The following CAMKMT variants were observed in gnomAD, a reference collection of about 807,000 sequenced individuals.
The protein encoded by CAMKMT is CaM KMT.
CAMKMT carries 53 observed loss-of-function variants against 48.0 expected under a neutral mutation model. The ratio of observed to expected loss-of-function variants is 1.10; its 90% CI spans 0.89 to 1.39. The LOEUF is 1.39. CAMKMT is among the 40% of genes most tolerant of loss of function. CAMKMT has a pLI of 0.00. For missense variants in CAMKMT, 428 were observed against 402.7 expected (o/e 1.06, Z -0.54); for synonymous variants, 165 against 152.3 (o/e 1.08, Z -0.61).
At chr2:44,484,483 G>C (rs1669117777) in intron 3 of CAMKMT, among the ~76,000 whole-genome samples, 1 of 151,692 alleles carries the variant, frequency 6.6e-6, no homozygotes, top group Non-Finnish European at 1.5e-5. Flanking sequence ...AAGATGGATG[G>C]TATTTTTAAT....
At chr2:44,557,789 A>T (rs960119091) in intron 3 of CAMKMT, among the ~76,000 whole-genome samples, 1 of 152,056 alleles carries the variant, frequency 6.6e-6, no homozygotes, top group Non-Finnish European at 1.5e-5. Context: ...TTTATTTTCT[A>T]CATTTTTCTA....
chr2:44,518,749 A>G (rs1416080674), intron 3 of CAMKMT, among the ~76,000 whole-genome samples: 2 of 152,190 alleles, frequency 1.3e-5, no homozygotes, highest in Non-Finnish European at 2.9e-5. Context: ...GATGATGTAT[A>G]TTTCTGATGG....
At chr2:44,755,375 C>A (rs1049252867) in intron 9 of CAMKMT, among the ~76,000 whole-genome samples, 7 of 152,142 alleles carry the variant, frequency 4.6e-5, no homozygotes, top group Non-Finnish European at 1.0e-4. Context: ...AGCATCCCCC[C>A]ACCCCTGTCG....
chr2:44,723,640 A>G (rs1573169253), intron 7 of CAMKMT: 2 of 149,258 alleles, frequency 1.3e-5, no homozygotes, highest in South Asian at 2.1e-4. Flanking sequence ...AAATAAATAA[A>G]TAAATAAATA....
intron 3 of CAMKMT, among the ~76,000 whole-genome samples, chr2:44,661,310 C>CTTTTTTTTTTT (rs764984677): frequency 1.1e-5 from 1 of 89,180 alleles, no homozygotes; most frequent in African/African-American, 5.0e-5. Context: ...TGTGAGCAGC[C>CTTTTTTTTTTT]TTTTTTTTTT....
intron 3 of CAMKMT, among the ~76,000 whole-genome samples, chr2:44,400,267 T>C (rs1322521123): frequency 6.6e-6 from 1 of 152,108 alleles, no homozygotes; most frequent in Non-Finnish European, 1.5e-5. Context: ...ATTTAGGTAA[T>C]ACAATAATTT....
At chr2:44,484,196 GT>G (rs535607687) in intron 3 of CAMKMT, among the ~76,000 whole-genome samples, 125 of 143,164 alleles carry the variant, frequency 8.7e-4, no homozygotes, top group East Asian at 1.6e-3. Context: ...GAGCCAATGG[GT>G]TTTTTTTTTT....
chr2:44,463,215 T>C (rs1667936634), intron 3 of CAMKMT, among the ~76,000 whole-genome samples: 1 of 152,222 alleles, frequency 6.6e-6, no homozygotes, highest in Admixed American at 6.5e-5. Context: ...CTTACAGTAA[T>C]GTCAGCAAGA....
At chr2:44,721,681 C>T (rs1678467288) in intron 7 of CAMKMT, among the ~76,000 whole-genome samples, 1 of 152,174 alleles carries the variant, frequency 6.6e-6, no homozygotes, top group Non-Finnish European at 1.5e-5. Context: ...AAAGAAAGCT[C>T]ATACTTGGCC....
intron 3 of CAMKMT, among the ~76,000 whole-genome samples, chr2:44,517,929 G>T (rs142200790): frequency 1.3e-5 from 2 of 152,108 alleles, no homozygotes; most frequent in Non-Finnish European, 2.9e-5. Context: ...TCAATACCCC[G>T]TCTCCATACA....
chr2:44,662,325 A>G (rs537361187), intron 3 of CAMKMT, among the ~76,000 whole-genome samples: 10 of 152,336 alleles, frequency 6.6e-5, no homozygotes, highest in African/African-American at 2.2e-4. Context: ...TTGAACGACT[A>G]TAAGAGGAGA....
At chr2:44,564,176 CTTTTT>C (rs10599009) in intron 3 of CAMKMT, among the ~76,000 whole-genome samples, 1 of 137,080 alleles carries the variant, frequency 7.3e-6, no homozygotes, top group Non-Finnish European at 1.6e-5. Context: ...TTGATCAGAA[CTTTTT>C]TTTTTTTTTT....
chr2:44,631,054 A>G (rs901450627), intron 3 of CAMKMT, among the ~76,000 whole-genome samples: 1 of 152,252 alleles, frequency 6.6e-6, no homozygotes, highest in Admixed American at 6.5e-5. Flanking sequence ...ACACCATGGA[A>G]TACTATGCAG....
intron 3 of CAMKMT, among the ~76,000 whole-genome samples, chr2:44,522,969 G>T (rs1004901507): frequency 1.3e-5 from 2 of 151,928 alleles, no homozygotes; most frequent in Non-Finnish European, 2.9e-5. Context: ...GTTACACAAG[G>T]ATCTTCTTTC....
At chr2:44,426,920 T>G (rs1408762934) in intron 3 of CAMKMT, among the ~76,000 whole-genome samples, 1 of 152,096 alleles carries the variant, frequency 6.6e-6, no homozygotes, top group Non-Finnish European at 1.5e-5. Context: ...AATTTTAAAC[T>G]AAACTACAGG....
At chr2:44,654,749 G>C (rs890343303) in intron 3 of CAMKMT, among the ~76,000 whole-genome samples, 4 of 152,112 alleles carry the variant, frequency 2.6e-5, no homozygotes, top group African/African-American at 9.7e-5. Flanking sequence ...TCCCGGCCTC[G>C]AGTGATCCAC....
At chr2:44,741,105 C>G (rs980183629) in intron 7 of CAMKMT, among the ~76,000 whole-genome samples, 1 of 152,210 alleles carries the variant, frequency 6.6e-6, no homozygotes, top group Non-Finnish European at 1.5e-5. Context: ...GCTGCGACAT[C>G]CAAGCATATG....
intron 3 of CAMKMT, among the ~76,000 whole-genome samples, chr2:44,632,591 G>A (rs1036675441): frequency 1.8e-4 from 28 of 152,146 alleles, no homozygotes; most frequent in African/African-American, 6.8e-4. Context: ...ATACAGTACA[G>A]TGATGGTTAA....
At chr2:44,681,068 T>TA (rs1415720385) in intron 3 of CAMKMT, among the ~76,000 whole-genome samples, 1 of 152,230 alleles carries the variant, frequency 6.6e-6, no homozygotes, top group African/African-American at 2.4e-5. Context: ...TTTAAACTCT[T>TA]ATTCTTTTGC....
Sources: allele counts gnomAD v4.1 joint callset (sites outside exome capture counted in the v4.1 genomes callset), GRCh38; gene constraint gnomAD v4.1.1; transcripts MANE v1.5; gene names NCBI Gene and HGNC (gene_info 2026-07-23, HGNC 2026-07-21).